Variants in TRARG1 observed in about 807,000 individuals in gnomAD.
The protein encoded by TRARG1 is trafficking regulator of GLUT4 1.
TRARG1 carries 16 observed loss-of-function variants against 13.3 expected under a neutral mutation model. The ratio of observed to expected loss-of-function variants is 1.20; its 90% CI spans 0.81 to 1.83. The LOEUF is 1.83. TRARG1 is among the 40% of genes most tolerant of loss of function. The pLI is 0.00. For synonymous variants in TRARG1, 113 were observed against 106.2 expected, an observed-to-expected ratio of 1.06 and a Z score of -0.39; for missense variants, 250 against 237.4, an observed-to-expected ratio of 1.05 and a Z score of -0.35.
intron 1 of TRARG1, among the ~76,000 whole-genome samples, chr17:1,294,900 G>A (rs1235092878): frequency 6.6e-6 from 1 of 152,154 alleles, no homozygotes; most frequent in Admixed American, 6.5e-5. Flanking sequence ...TGGTCAGGCT[G>A]GTCGCAAACT....
chr17:1,290,822 G>T (rs1317959700), intron 1 of TRARG1, among the ~76,000 whole-genome samples: 1 of 152,018 alleles, frequency 6.6e-6, no homozygotes, highest in Non-Finnish European at 1.5e-5. Flanking sequence ...GAGGGACCCG[G>T]TGGAGGTCAT....
intron 1 of TRARG1, 24 bp from the exon 2 acceptor site, chr17:1,295,467 G>C (rs773321455): frequency 1.3e-6 from 2 of 1,570,146 alleles, no homozygotes; most frequent in Non-Finnish European, 1.7e-6. Flanking sequence ...CGGTTCCCGG[G>C]GTCTCTCTGT....
At position 1,295,525 on chromosome 17, in the gene TRARG1, G is replaced by T. The variant is rs1396714659; in HGVS notation, c.422G>T (p.Gly141Val). Residue 141 changes from glycine to valine, a missense_variant, in exon 2 of 3, where the codon GGC (glycine) becomes GTC (valine). Physicochemically the swap from Gly to Val is moderately radical, Grantham distance 109. Coordinates refer to ENST00000333813, the MANE Select transcript of TRARG1 (RefSeq NM_172367.3). ...RSSMQQGNVDGARRLGRLARL... is the reference protein window; with the variant it reads ...RSSMQQGNVDVARRLGRLARL... Reference sequence around the variant, plus strand: ...AGCATGCAACAGGGCAACGTGGACGGCGCCCGGAGGCTGGGCCGCCTGGCT... The same window carrying T: ...AGCATGCAACAGGGCAACGTGGACGTCGCCCGGAGGCTGGGCCGCCTGGCT... The T allele has an allele frequency of 1.2e-5, 19 of 1,612,198 alleles. No homozygotes were observed. Among genetic ancestry groups the T allele is most frequent in the Non-Finnish European group, 1.6e-5 (19 of 1,179,382 alleles).
At chr17:1,290,444 T>C (rs1239061041) in intron 1 of TRARG1, among the ~76,000 whole-genome samples, 1 of 152,160 alleles carries the variant, frequency 6.6e-6, no homozygotes, top group Non-Finnish European at 1.5e-5. Flanking sequence ...TACAGACACA[T>C]GCCACCACGC....
At chr17:1,293,528 G>C (rs1437485517) in intron 1 of TRARG1, among the ~76,000 whole-genome samples, 1 of 127,056 alleles carries the variant, frequency 7.9e-6, no homozygotes, top group Non-Finnish European at 1.6e-5. Flanking sequence ...TCGCAGGTTG[G>C]GTTTGATGAT....
At chr17:1,280,800 C>A (rs956932823) in intron 1 of TRARG1, among the ~76,000 whole-genome samples, 1 of 152,166 alleles carries the variant, frequency 6.6e-6, no homozygotes, top group Non-Finnish European at 1.5e-5. Flanking sequence ...GGGGTCCCAG[C>A]GCCCATGTGT....
chr17:1,282,157 T>C (rs2071981811), intron 1 of TRARG1, among the ~76,000 whole-genome samples: 2 of 150,752 alleles, frequency 1.3e-5, no homozygotes. Context: ...CGTATACACG[T>C]GCATATATGT....
At chr17:1,290,470 A>AT (rs2072061688) in intron 1 of TRARG1, among the ~76,000 whole-genome samples, 2 of 151,760 alleles carry the variant, frequency 1.3e-5, no homozygotes, top group East Asian at 3.9e-4. Context: ...TAATTTTTGT[A>AT]TTTTTTGTAG....
At position 1,280,025 on chromosome 17, in the gene TRARG1, G is replaced by A. The variant is rs772797342; in HGVS notation, c.24G>A (p.Glu8=). The A allele has an allele frequency of 2.9e-5, 46 of 1,612,798 alleles. No individual in the cohort carries two copies. Among genetic ancestry groups the A allele is most frequent in the Non-Finnish European group, 3.7e-5 (44 of 1,179,800 alleles). ...CCATGGCCCACCCGGTGCAGTCCGA[G>A]TTTCCTTCAGCACAGGAGCCAGGCT... MAHPVQS[E]FPSAQEPGSA... is the part of the protein sequence containing the mutation. The change falls in exon 1 of 3, where the codon GAG becomes GAA. Residue 8 remains glutamate, a synonymous_variant. Coordinates refer to ENST00000333813, the MANE Select transcript of TRARG1 (RefSeq NM_172367.3).
chr17:1,282,333 C>CATATATGTAT, intron 1 of TRARG1, among the ~76,000 whole-genome samples: 1 of 151,028 alleles, frequency 6.6e-6, no homozygotes, highest in Admixed American at 6.6e-5. Context: ...CATATATGTA[C>CATATATGTAT]GTATATGTAC....
Position 1,294,931 on chromosome 17 carries a change from G to A in TRARG1, c.388-560G>A, listed in dbSNP as rs145591713. On this transcript the variant is annotated intron_variant, in intron 1 of 2. Coordinates refer to ENST00000333813, the MANE Select transcript of TRARG1 (RefSeq NM_172367.3). ...AAACTCCTGGCCTCATGATCTGCCC[G>A]CCTCAGCCTCTCCAAGTGCTGGGAT... Among the ~76,000 whole-genome samples the A allele has an allele frequency of 7.5e-4, 114 of 152,234 alleles. No individual in the cohort carries two copies. In the East Asian group the frequency reaches 0.019, roughly 25 times the overall value.
chr17:1,283,328 G>A (rs2071997255), intron 1 of TRARG1, among the ~76,000 whole-genome samples: 1 of 152,202 alleles, frequency 6.6e-6, no homozygotes, highest in Non-Finnish European at 1.5e-5. Context: ...GCTCTTACAG[G>A]ATAATGGGTA....
In TRARG1 at chr17:1,282,226, G is replaced by A. The variant is rs532527786; in HGVS notation, c.387+1838G>A. Among the ~76,000 whole-genome samples, 25 of 129,012 alleles carry A rather than the reference G, an allele frequency of 1.9e-4. 1 individual carries two copies. Among genetic ancestry groups the A allele is most frequent in the African/African-American group, 3.1e-4 (10 of 32,464 alleles). 84.6% of individuals were successfully genotyped at this position (129,012 alleles called of 152,430 possible). ...TGCGTATATGTACGTATACACGTGC[G>A]TATATGTACGTATATGCACGTATAT... On this transcript the variant is annotated intron_variant, in intron 1 of 2. Coordinates refer to ENST00000333813, the MANE Select transcript of TRARG1 (RefSeq NM_172367.3).
At chr17:1,282,987 G>A (rs11078519) in intron 1 of TRARG1, among the ~76,000 whole-genome samples, 15,232 of 152,106 alleles carry the variant, frequency 0.1, 816 homozygotes, top group South Asian at 0.19. Context: ...CACCACACTC[G>A]GCCCCTTTTA....
At chr17:1,291,606 C>A (rs2072069871) in intron 1 of TRARG1, among the ~76,000 whole-genome samples, 2 of 152,116 alleles carry the variant, frequency 1.3e-5, no homozygotes, top group African/African-American at 4.8e-5. Context: ...CCTTTATTAG[C>A]GGTGTGAGAA....
rs372635148 is a variant in TRARG1, at chr17:1,280,258, C to A, written c.257C>A (p.Ala86Glu). 1.9e-6 allele frequency: 3 copies of A among 1,614,076 alleles called. No homozygotes were observed. The highest frequency in any genetic ancestry group is 2.5e-6 in the Non-Finnish European group (3 of 1,179,998). Residue 86 changes from alanine to glutamate, a missense_variant, in exon 1 of 3, where the codon GCG becomes GAG. Ala to Glu is a moderately radical substitution (Grantham distance 107). Coordinates refer to ENST00000333813, the MANE Select transcript of TRARG1 (RefSeq NM_172367.3). ...CCCTCCCGGGCCAGCTCAAGGAGGG[C>A]GTCCTCCATCGCCACCACCTCCTAT... ...RSPSRASSRR[A>E]SSIATTSYAQ...
intron 1 of TRARG1, among the ~76,000 whole-genome samples, chr17:1,294,169 C>T (rs2072094117): frequency 6.6e-6 from 1 of 152,076 alleles, no homozygotes; most frequent in Admixed American, 6.6e-5. Flanking sequence ...GAGGGAGGGA[C>T]ACAGGACCCT....
intron 1 of TRARG1, among the ~76,000 whole-genome samples, chr17:1,281,584 C>G (rs573870495): frequency 6.6e-6 from 1 of 152,146 alleles, no homozygotes; most frequent in East Asian, 1.9e-4. Context: ...GTCTGAGGGA[C>G]TTGGCATGGG....
chr17:1,280,250 A>G lies in TRARG1; in HGVS notation c.249A>G (p.Ser83=). 1 of 1,614,018 alleles carries G rather than the reference A, an allele frequency of 6.2e-7. No homozygotes were observed. The highest frequency in any genetic ancestry group is 8.5e-7 in the Non-Finnish European group (1 of 1,179,990). ...CTCGGTCCCCCTCCCGGGCCAGCTC[A>G]AGGAGGGCGTCCTCCATCGCCACCA... ...PLPRSPSRAS[S]RRASSIATTS... is the part of the protein sequence containing the mutation. Residue 83 remains serine, a synonymous_variant, in exon 1 of 3, where the codon TCA becomes TCG. Transcript: ENST00000333813.
Sources: gnomAD v4.1 joint callset for allele counts (sites outside exome capture counted in the v4.1 genomes callset) on GRCh38, gnomAD v4.1.1 for gene constraint, MANE v1.5 for transcripts, NCBI Gene and HGNC (gene_info 2026-07-23, HGNC 2026-07-21) for gene names.